The following COP1 variants were observed in gnomAD, a reference collection of about 807,000 sequenced individuals.
The protein encoded by COP1 is E3 ubiquitin-protein ligase COP1.
Under a neutral mutation model 101.3 loss-of-function variants are expected in COP1, and 24 were observed. The ratio of observed to expected loss-of-function variants is 0.24; its 90% CI spans 0.17 to 0.33. The LOEUF (loss-of-function observed/expected upper bound fraction) is 0.33, where lower values mean the gene tolerates loss of function less well. Ranked by LOEUF, COP1 falls within the 10% of genes least tolerant of loss-of-function variation. The pLI is 1.00. For missense variants in COP1, 663 were observed against 906.2 expected (o/e 0.73, Z 3.45); for synonymous variants, 347 against 341.9 (o/e 1.01, Z -0.17).
intron 11 of COP1, among the ~76,000 whole-genome samples, chr1:176,052,901 C>T (rs1672810979): frequency 6.6e-6 from 1 of 152,052 alleles, no homozygotes; most frequent in Admixed American, 6.5e-5. Context: ...TGAGAGCAAC[C>T]TCATTTTTGT....
At position 175,993,413 on chromosome 1, in the gene COP1, A is replaced by T. The variant is rs575540266; in HGVS notation, c.1730-3934T>A. On this transcript the variant is annotated intron_variant, in intron 15 of 19. Coordinates refer to ENST00000367669, the MANE Select transcript of COP1 (RefSeq NM_022457.7). ...GATGGAGAATGGCTTTGACGAGTTG[A>T]GAGAAGAAGGTTTCAGATGATCAAA... 2.2e-3 allele frequency among the ~76,000 whole-genome samples: 333 copies of T among 152,366 alleles called. 1 individual carries two copies. Among genetic ancestry groups the T allele is most frequent in the African/African-American group, 7.6e-3 (317 of 41,590 alleles).
chr1:175,985,389 A>T (rs562113619), intron 18 of COP1, among the ~76,000 whole-genome samples: 2 of 152,244 alleles, frequency 1.3e-5, no homozygotes, highest in South Asian at 4.1e-4. Context: ...TTTTCAGAGG[A>T]TTTAAGTTTG....
At chr1:175,951,462 A>ATATATATATATATATAT (rs1491471530) in intron 18 of COP1, among the ~76,000 whole-genome samples, 12 of 49,604 alleles carry the variant, frequency 2.4e-4, no homozygotes, top group Admixed American at 6.6e-4. Context: ...ATATATATAT[A>ATATATATATATATATAT]AAAACTTCCA....
At chr1:176,148,737 A>G (rs1015974475) in intron 6 of COP1, among the ~76,000 whole-genome samples, 23 of 152,134 alleles carry the variant, frequency 1.5e-4, no homozygotes, top group African/African-American at 5.3e-4. Context: ...TATTTAATAC[A>G]TCTATTTTCA....
intron 14 of COP1, among the ~76,000 whole-genome samples, chr1:176,029,690 T>A (rs768237799): frequency 6.6e-6 from 1 of 152,152 alleles, no homozygotes; most frequent in African/African-American, 2.4e-5. Context: ...GTATTGGGAA[T>A]GGAAGCATAG....
rs56280543 is a variant in COP1 at position 175,949,168 on chromosome 1, C to CAAAAAAAAAAAAAAAAAAA, written c.2134-1948_2134-1930dup. Among the ~76,000 whole-genome samples, 8 of 43,160 alleles carry CAAAAAAAAAAAAAAAAAAA rather than the reference C, an allele frequency of 1.9e-4. 1 individual carries two copies. Among genetic ancestry groups the CAAAAAAAAAAAAAAAAAAA allele is most frequent in the South Asian group, 1.6e-3 (1 of 640 alleles). 28.3% of individuals were successfully genotyped at this position (43,160 alleles called of 152,430 possible). A position where few individuals can be genotyped will look rare whatever the true frequency, so the allele number is the denominator to read the frequency against. ...GAGAGACTCCAGCAAGGCTCCGTCT[C>CAAAAAAAAAAAAAAAAAAA]AAAAAAAAAAAAAAAAAAAAAAAAT... On this transcript the variant is annotated intron_variant, in intron 18 of 19. Transcript: ENST00000367669.
intron 11 of COP1, among the ~76,000 whole-genome samples, chr1:176,049,939 T>G (rs1213875750): frequency 6.6e-6 from 1 of 152,214 alleles, no homozygotes; most frequent in Non-Finnish European, 1.5e-5. Flanking sequence ...AACTGAAATG[T>G]TGCTTATGCA....
At chr1:176,089,040 C>G (rs1009631510) in intron 9 of COP1, among the ~76,000 whole-genome samples, 2 of 148,688 alleles carry the variant, frequency 1.3e-5, no homozygotes, top group African/African-American at 5.0e-5. Context: ...TGGTGGCTCA[C>G]GCCTGTAATC....
chr1:176,004,585 CT>C (rs1219935734), intron 15 of COP1, among the ~76,000 whole-genome samples: 58 of 152,096 alleles, frequency 3.8e-4, no homozygotes, highest in Non-Finnish European at 6.9e-4. Flanking sequence ...TTGTTGAAGG[CT>C]TTTTCTGCAT....
intron 10 of COP1, among the ~76,000 whole-genome samples, chr1:176,085,517 T>C (rs1679973996): frequency 6.6e-6 from 1 of 152,200 alleles, no homozygotes; most frequent in South Asian, 2.1e-4. Context: ...GTTGGCTACA[T>C]ATTCATAGCT....
chr1:175,960,883 G>A (rs1651254872), intron 18 of COP1, among the ~76,000 whole-genome samples: 1 of 152,220 alleles, frequency 6.6e-6, no homozygotes, highest in South Asian at 2.1e-4. Context: ...GTCTGTGAGG[G>A]TGTTTCCAGA....
At chr1:176,012,583 A>G (rs568598005) in intron 15 of COP1, among the ~76,000 whole-genome samples, 1 of 152,364 alleles carries the variant, frequency 6.6e-6, no homozygotes, top group African/African-American at 2.4e-5. Context: ...CTAGGTCTTC[A>G]TATTCACTCA....
chr1:176,047,165 A>G (rs549500719), intron 11 of COP1, among the ~76,000 whole-genome samples: 11 of 152,318 alleles, frequency 7.2e-5, no homozygotes, highest in African/African-American at 2.6e-4. Flanking sequence ...CATCACATAC[A>G]TTATTCCTCA....
intron 17 of COP1, among the ~76,000 whole-genome samples, chr1:175,987,519 G>GAA (rs1369590052): frequency 1.3e-5 from 2 of 152,164 alleles, no homozygotes; most frequent in African/African-American, 4.8e-5. Context: ...AGAGGTAAAA[G>GAA]AAAGTGGCAA....
intron 18 of COP1, among the ~76,000 whole-genome samples, chr1:175,957,674 C>T (rs1008410528): frequency 6.6e-6 from 1 of 152,186 alleles, no homozygotes; most frequent in African/African-American, 2.4e-5. Context: ...CATAATGCCA[C>T]TCCTAGGTAT....
At chr1:176,042,724 C>A (rs1232724658) in intron 14 of COP1, among the ~76,000 whole-genome samples, 2 of 96,234 alleles carry the variant, frequency 2.1e-5, no homozygotes, top group Admixed American at 1.4e-4. Flanking sequence ...CAGTGAAACT[C>A]TATCTCAAAA....
chr1:176,152,901 G>A lies in COP1; in HGVS notation c.763-3827C>T, dbSNP rs528858199. ...CTATTTAGGTAATAATTTTTCTCTA[G>A]AACACTACAGTATTTTCCTTAAATC... On this transcript the variant is annotated intron_variant, in intron 5 of 19. Coordinates refer to ENST00000367669, the MANE Select transcript of COP1 (RefSeq NM_022457.7). 2.2e-4 allele frequency among the ~76,000 whole-genome samples: 34 copies of A among 152,106 alleles called. No homozygotes were observed. In the South Asian group the frequency reaches 7.1e-3, roughly 32 times the overall value.
intron 19 of COP1, among the ~76,000 whole-genome samples, chr1:175,946,898 CA>C (rs1214427922): frequency 6.6e-6 from 1 of 152,198 alleles, no homozygotes; most frequent in Admixed American, 6.6e-5. Flanking sequence ...GTTGTACTGG[CA>C]TAACAGAAGC....
intron 1 of COP1, among the ~76,000 whole-genome samples, chr1:176,201,832 C>T (rs72715141): frequency 0.014 from 2,095 of 152,276 alleles, 23 homozygotes; most frequent in Middle Eastern, 0.027. Flanking sequence ...ATCCAAATGG[C>T]ACATGTATTA....
Sources: allele counts gnomAD v4.1 joint callset (sites outside exome capture counted in the v4.1 genomes callset), GRCh38; gene constraint gnomAD v4.1.1; transcripts MANE v1.5; gene names NCBI Gene and HGNC (gene_info 2026-07-23, HGNC 2026-07-21).